Variants in CADPS2 observed in about 807,000 individuals in gnomAD.
CADPS2 encodes calcium dependent secretion activator 2, also known as calcium-dependent secretion activator 2.
In CADPS2, 93 loss-of-function variants were observed where a neutral mutation model predicts 172.5. The ratio of observed to expected loss-of-function variants is 0.54; its 90% CI spans 0.46 to 0.64. The LOEUF (loss-of-function observed/expected upper bound fraction) is 0.64. Among genes scored for constraint, CADPS2 ranks in the 30% least tolerant of loss-of-function variants. The pLI is 0.00. For synonymous variants in CADPS2, 546 were observed against 555.2 expected, an observed-to-expected ratio of 0.98 and a Z score of 0.23; for missense variants, 1,420 against 1,565.9, an observed-to-expected ratio of 0.91 and a Z score of 1.57.
intron 1 of CADPS2, among the ~76,000 whole-genome samples, chr7:122,842,195 C>A (rs73718026): frequency 0.016 from 2,369 of 152,342 alleles, 58 homozygotes; most frequent in African/African-American, 0.054. Flanking sequence ...AACATTTTGA[C>A]TTCTCTTTCC....
chr7:122,783,707 AC>A (rs559278969), intron 1 of CADPS2, among the ~76,000 whole-genome samples: 59 of 152,184 alleles, frequency 3.9e-4, no homozygotes, highest in Non-Finnish European at 6.8e-4. Context: ...TTGAGTCAAA[AC>A]CATTAGAGGA....
intron 8 of CADPS2, among the ~76,000 whole-genome samples, chr7:122,520,544 C>T (rs1450038312): frequency 1.3e-5 from 2 of 151,940 alleles, no homozygotes; most frequent in African/African-American, 4.8e-5. Context: ...ATCTTCATAT[C>T]ACAATATGTT....
chr7:122,684,860 C>T (rs902158811), intron 2 of CADPS2, among the ~76,000 whole-genome samples: 1 of 152,000 alleles, frequency 6.6e-6, no homozygotes, highest in East Asian at 1.9e-4. Flanking sequence ...AATCCAAGGG[C>T]CTGCTGCAGA....
chr7:122,320,169 CCTT>C lies in CADPS2; in HGVS notation c.3884_3886del (p.Glu1295del), dbSNP rs772121159. 1.2e-5 allele frequency: 20 copies of C among 1,600,100 alleles called. No homozygotes were observed. Among genetic ancestry groups the C allele is most frequent in the Middle Eastern group, 1.7e-4 (1 of 6,014 alleles). Reference sequence around the variant, plus strand: ...CTTCTGCAAAGCTGTGTGATATCAGCCTTCTTCTTCTTCGTCACTGTCTTTCAT... The same window carrying C: ...CTTCTGCAAAGCTGTGTGATATCAGCCTTCTTCTTCGTCACTGTCTTTCAT... On this transcript the variant is annotated inframe_deletion, in exon 30 of 30. Transcript: ENST00000449022.
At position 122,667,768 on chromosome 7, in the gene CADPS2, G is replaced by T. The variant is rs917397255; in HGVS notation, c.454-4199C>A. Among the ~76,000 whole-genome samples, 7 of 152,100 alleles carry T rather than the reference G, an allele frequency of 4.6e-5. 1 individual carries two copies. The East Asian group carries it at 1.3e-3, about 29-fold the overall frequency. On this transcript the variant is annotated intron_variant, in intron 2 of 29. Transcript: ENST00000449022. Reference sequence around the variant, plus strand: ...GACCCATGTTTTGAATAACCCATGAGCTGTGTGAGAAGGAAAGAGAGAAAA... The same window carrying T: ...GACCCATGTTTTGAATAACCCATGATCTGTGTGAGAAGGAAAGAGAGAAAA...
chr7:122,701,460 G>A (rs1399916830), intron 2 of CADPS2, among the ~76,000 whole-genome samples: 1 of 152,154 alleles, frequency 6.6e-6, no homozygotes, highest in African/African-American at 2.4e-5. Flanking sequence ...GAAGCGGGGA[G>A]GGATAGCATT....
chr7:122,439,607 C>A (rs990989650), intron 16 of CADPS2, among the ~76,000 whole-genome samples: 1 of 152,062 alleles, frequency 6.6e-6, no homozygotes, highest in Non-Finnish European at 1.5e-5. Flanking sequence ...TCTTTGATGA[C>A]ATTTTAAATA....
intron 17 of CADPS2, among the ~76,000 whole-genome samples, chr7:122,432,977 A>G (rs551760610): frequency 3.5e-4 from 53 of 152,080 alleles, no homozygotes; most frequent in African/African-American, 1.3e-3. Context: ...ACTAATATAT[A>G]TAATATATTT....
intron 12 of CADPS2, chr7:122,480,151 C>T: frequency 2.1e-6 from 1 of 470,210 alleles, no homozygotes; most frequent in Middle Eastern, 3.3e-4. Context: ...CCCTTCAGCT[C>T]ACTCTCTTCC....
intron 2 of CADPS2, among the ~76,000 whole-genome samples, chr7:122,710,141 C>G (rs1257013593): frequency 2.6e-5 from 4 of 151,114 alleles, no homozygotes; most frequent in Non-Finnish European, 4.4e-5. Flanking sequence ...ATATGCATTG[C>G]CTTCCTAATA....
rs538729136 is a variant in CADPS2 at position 122,503,100 on chromosome 7, C to T, written c.1542+10149G>A. 3.4e-5 allele frequency among the ~76,000 whole-genome samples: 5 copies of T among 148,288 alleles called. No homozygotes were observed. The East Asian group carries it at 6.0e-4, about 18-fold the overall frequency. Reference sequence around the variant, plus strand: ...AGGCTGGAGTGCAGTGGCACTATCTCGGCTCACTGTAACCTCTGCCTCCTG... The same window carrying T: ...AGGCTGGAGTGCAGTGGCACTATCTTGGCTCACTGTAACCTCTGCCTCCTG... On this transcript the variant is annotated intron_variant, in intron 9 of 29. Transcript: ENST00000449022.
At chr7:122,810,361 C>T (rs1204921344) in intron 1 of CADPS2, among the ~76,000 whole-genome samples, 1 of 152,052 alleles carries the variant, frequency 6.6e-6, no homozygotes, top group East Asian at 1.9e-4. Context: ...TGGTCTCAGA[C>T]CAGAAGGTGA....
intron 1 of CADPS2, among the ~76,000 whole-genome samples, chr7:122,774,091 T>TA (rs1453141803): frequency 6.6e-6 from 1 of 152,074 alleles, no homozygotes; most frequent in South Asian, 2.1e-4. Context: ...GATTTTAAAA[T>TA]AAAAAAGAGA....
At chr7:122,493,997 C>G (rs933718346) in intron 9 of CADPS2, among the ~76,000 whole-genome samples, 9 of 152,074 alleles carry the variant, frequency 5.9e-5, no homozygotes, top group Non-Finnish European at 1.2e-4. Context: ...GTTATTTAAT[C>G]AAACGCTAAT....
rs771527184 is a variant in CADPS2, at chr7:122,379,529, T to G, written c.3313-87A>C. On this transcript the variant is annotated intron_variant, in intron 24 of 29. Coordinates refer to ENST00000449022, the MANE Select transcript of CADPS2 (RefSeq NM_017954.11). ...ATAAATGCTCTAAATCTACTAGTTA[T>G]GACCTATCAGATTTATTTAAAATGA... 4 of 775,492 alleles carry G rather than the reference T, an allele frequency of 5.2e-6. No homozygotes were observed. In the South Asian group the frequency reaches 6.0e-5, roughly 12 times the overall value. 48.0% of individuals were successfully genotyped at this position (775,492 alleles called of 1,614,324 possible).
intron 20 of CADPS2, 122 bp downstream of exon 20, chr7:122,407,418 C>A: frequency 9.2e-7 from 1 of 1,088,830 alleles, no homozygotes; most frequent in Non-Finnish European, 1.3e-6. Context: ...GCTGAGCAAA[C>A]CTAAATGTTA....
chr7:122,467,941 ACTTTTTCTTTCTTCCTTT>A (rs1453721452), intron 14 of CADPS2, among the ~76,000 whole-genome samples: 2 of 152,016 alleles, frequency 1.3e-5, no homozygotes, highest in African/African-American at 4.8e-5. Flanking sequence ...TCCTTGACTC[ACTTTTTCTTTCTTCCTTT>A]CTTTTTCTCT....
intron 1 of CADPS2, among the ~76,000 whole-genome samples, chr7:122,771,044 T>C (rs983942291): frequency 6.6e-6 from 1 of 152,160 alleles, no homozygotes; most frequent in Admixed American, 6.5e-5. Context: ...GTTAGAATCA[T>C]GGGCTTTTTG....
intron 9 of CADPS2, among the ~76,000 whole-genome samples, chr7:122,497,126 A>G (rs2058797771): frequency 6.6e-6 from 1 of 152,062 alleles, no homozygotes; most frequent in South Asian, 2.1e-4. Flanking sequence ...CTTCTTGTAC[A>G]GTCACAAAAC....
Sources: allele counts gnomAD v4.1 joint callset (sites outside exome capture counted in the v4.1 genomes callset), GRCh38; gene constraint gnomAD v4.1.1; transcripts MANE v1.5; gene names NCBI Gene and HGNC (gene_info 2026-07-23, HGNC 2026-07-21).